The following RNF170 variants were observed in gnomAD, a reference collection of about 807,000 sequenced individuals.
RNF170 encodes ring finger protein 170.
Under a neutral mutation model 32.7 loss-of-function variants are expected in RNF170, and 12 were observed. The observed-to-expected ratio is 0.37, with a 90% CI of 0.24 to 0.60. The LOEUF (loss-of-function observed/expected upper bound fraction) is 0.60, where lower values mean the gene tolerates loss of function less well. Among genes scored for constraint, RNF170 ranks in the 20% least tolerant of loss-of-function variants. The probability of loss-of-function intolerance (pLI) is 0.72; values close to 1 mark genes in which losing one functional copy is unlikely to be tolerated. For missense variants in RNF170, 212 were observed against 311.2 expected, an observed-to-expected ratio of 0.68 and a Z score of 2.40; for synonymous variants, 91 against 103.6, an observed-to-expected ratio of 0.88 and a Z score of 0.74.
chr8:42,863,963 AGGAG>A (rs1052653419), intron 5 of RNF170, among the ~76,000 whole-genome samples: 3 of 119,140 alleles, frequency 2.5e-5, no homozygotes, highest in Non-Finnish European at 5.2e-5. Context: ...TAAAGGCTGA[AGGAG>A]AGAGAGAGAG....
chr8:42,895,236 G>A (rs912027357), intron 1 of RNF170, among the ~76,000 whole-genome samples: 7 of 152,172 alleles, frequency 4.6e-5, no homozygotes, highest in African/African-American at 1.7e-4. Flanking sequence ...GATCACTTGA[G>A]CCCAGGAGGC....
At chr8:42,857,286 T>C (rs1007528588) in intron 6 of RNF170, among the ~76,000 whole-genome samples, 4 of 152,240 alleles carry the variant, frequency 2.6e-5, no homozygotes, top group African/African-American at 7.2e-5. Context: ...AAAATCATCT[T>C]GTGACTCCTT....
intron 6 of RNF170, among the ~76,000 whole-genome samples, chr8:42,857,675 A>C (rs1391495800): frequency 6.6e-6 from 1 of 152,230 alleles, no homozygotes; most frequent in East Asian, 1.9e-4. Flanking sequence ...CTTACTCATT[A>C]AATATCTGAC....
upstream of RNF170, chr8:42,897,023 G>T: frequency 3.9e-6 from 3 of 776,954 alleles, no homozygotes; most frequent in South Asian, 1.3e-4. Flanking sequence ...CGGATCCGAG[G>T]AGCAGGCGGG....
At chr8:42,888,972 T>A (rs1481848122) in intron 1 of RNF170, among the ~76,000 whole-genome samples, 1 of 152,230 alleles carries the variant, frequency 6.6e-6, no homozygotes, top group Non-Finnish European at 1.5e-5. Context: ...CATTCTCATA[T>A]TCTCTAGCAT....
downstream of RNF170, among the ~76,000 whole-genome samples, chr8:42,852,711 AGCAGAAT>A (rs1219038948): frequency 1.3e-5 from 2 of 152,244 alleles, no homozygotes; most frequent in Admixed American, 1.3e-4. Flanking sequence ...CACTGCGTCC[AGCAGAAT>A]TTCATATAAT....
chr8:42,887,270 C>G (rs547666804), intron 2 of RNF170, among the ~76,000 whole-genome samples: 4 of 151,922 alleles, frequency 2.6e-5, no homozygotes, highest in Admixed American at 6.6e-5. Flanking sequence ...CCAGCCTGGA[C>G]GACACATTGA....
intron 2 of RNF170, among the ~76,000 whole-genome samples, chr8:42,883,966 T>C (rs1328912950): frequency 2.6e-5 from 4 of 152,188 alleles, no homozygotes; most frequent in Non-Finnish European, 5.9e-5. Context: ...GAGCACATTA[T>C]GTAACTTGAA....
At chr8:42,858,831 A>C (rs1803439722) in intron 6 of RNF170, among the ~76,000 whole-genome samples, 1 of 152,082 alleles carries the variant, frequency 6.6e-6, no homozygotes, top group African/African-American at 2.4e-5. Flanking sequence ...AAATTTGGAG[A>C]GGGAGGGAGG....
chr8:42,854,880 A>C lies in RNF170; in HGVS notation c.*1279T>G. The C allele has an allele frequency of 7.8e-7, 1 of 1,287,260 alleles. No homozygotes were observed. The highest frequency in any genetic ancestry group is 1.0e-6 in the Non-Finnish European group (1 of 988,690). 79.7% of individuals were successfully genotyped at this position (1,287,260 alleles called of 1,614,324 possible). On this transcript the variant is annotated 3_prime_UTR_variant, in exon 7 of 7. Coordinates refer to ENST00000527424, the MANE Select transcript of RNF170 (RefSeq NM_030954.4). Reference sequence around the variant, plus strand: ...GATACATTCACTTGTTTGGCTCAAGACATGAATCTGAGCTGTGTGCTGCCA... The same window carrying C: ...GATACATTCACTTGTTTGGCTCAAGCCATGAATCTGAGCTGTGTGCTGCCA...
intron 1 of RNF170, among the ~76,000 whole-genome samples, chr8:42,892,001 A>G (rs762995442): frequency 1.6e-4 from 24 of 152,136 alleles, no homozygotes; most frequent in Admixed American, 1.2e-3. Context: ...ACTGAGCTTC[A>G]ATGCCCGGTC....
intron 4 of RNF170, among the ~76,000 whole-genome samples, chr8:42,869,762 T>C (rs565884873): frequency 6.6e-6 from 1 of 152,352 alleles, no homozygotes; most frequent in South Asian, 2.1e-4. Flanking sequence ...AGCTGAATAG[T>C]TTCTTTAACC....
intron 3 of RNF170, among the ~76,000 whole-genome samples, chr8:42,872,403 G>T (rs1804588613): frequency 6.6e-6 from 1 of 152,158 alleles, no homozygotes; most frequent in Admixed American, 6.6e-5. Context: ...TGAATTATGG[G>T]TAACAATTGT....
intron 2 of RNF170, among the ~76,000 whole-genome samples, chr8:42,876,066 G>A (rs1804904450): frequency 6.6e-6 from 1 of 151,942 alleles, no homozygotes; most frequent in South Asian, 2.1e-4. Context: ...CATTCTTTGA[G>A]AGTAGAAAAC....
rs1021170603 is a variant in RNF170, at chr8:42,855,422, A to G, written c.*737T>C. 2 of 727,638 alleles carry G rather than the reference A, an allele frequency of 2.7e-6. No homozygotes were observed. The highest frequency in any genetic ancestry group is 1.3e-4 in the East Asian group (2 of 15,452). 45.1% of individuals were successfully genotyped at this position (727,638 alleles called of 1,614,324 possible). A position where few individuals can be genotyped will look rare whatever the true frequency, so the allele number is the denominator to read the frequency against. On this transcript the variant is annotated 3_prime_UTR_variant, in exon 7 of 7. Transcript: ENST00000527424. ...GAGACGGGGTTTCACCATGTTAGCC[A>G]GGATGGTCCTGATCTCCTGACCTTG... is the stretch of plus-strand genomic sequence containing the variant.
At chr8:42,887,294 A>G (rs1239750575) in intron 2 of RNF170, among the ~76,000 whole-genome samples, 1 of 151,844 alleles carries the variant, frequency 6.6e-6, no homozygotes, top group Admixed American at 6.6e-5. Flanking sequence ...TCCGTCTCAA[A>G]AAATAAATAA....
intron 6 of RNF170, among the ~76,000 whole-genome samples, chr8:42,858,232 G>T (rs1563657324): frequency 2.0e-5 from 3 of 147,564 alleles, no homozygotes; most frequent in African/African-American, 7.4e-5. Context: ...ATTGGATTAA[G>T]TTTTTTTTTT....
At chr8:42,876,470 C>T (rs1037118036) in intron 2 of RNF170, among the ~76,000 whole-genome samples, 54 of 151,600 alleles carry the variant, frequency 3.6e-4, no homozygotes, top group Non-Finnish European at 7.4e-5. Flanking sequence ...TAACCTGCTC[C>T]CTGCTCTACT....
At chr8:42,871,870 A>C in intron 3 of RNF170, among the ~76,000 whole-genome samples, 1 of 152,096 alleles carries the variant, frequency 6.6e-6, no homozygotes. Context: ...TCTCCTTATT[A>C]ATTTTTAAAG....
Sources: gnomAD v4.1 joint callset for allele counts (sites outside exome capture counted in the v4.1 genomes callset) on GRCh38, gnomAD v4.1.1 for gene constraint, MANE v1.5 for transcripts, NCBI Gene and HGNC (gene_info 2026-07-23, HGNC 2026-07-21) for gene names.